Variants in PXDNL observed in about 807,000 individuals in gnomAD.
PXDNL encodes the protein probable oxidoreductase PXDNL.
In PXDNL, 145 loss-of-function variants were observed where a neutral mutation model predicts 150.8. The observed-to-expected ratio is 0.96, with a 90% CI of 0.84 to 1.10. The LOEUF (loss-of-function observed/expected upper bound fraction) is 1.10. PXDNL is among the 50% of genes least tolerant of loss of function. PXDNL has a pLI of 0.00. For synonymous variants in PXDNL, 757 were observed against 725.7 expected (o/e 1.04, Z -0.69); for missense variants, 2,087 against 1,873.9 (o/e 1.11, Z -2.10).
intron 2 of PXDNL, among the ~76,000 whole-genome samples, chr8:51,646,997 T>C (rs1360368908): frequency 1.3e-5 from 2 of 152,108 alleles, no homozygotes; most frequent in African/African-American, 4.8e-5. Flanking sequence ...AGCACATAGA[T>C]ATACTGTAAA....
intron 17 of PXDNL, among the ~76,000 whole-genome samples, chr8:51,381,352 G>A (rs1807532108): frequency 6.6e-6 from 1 of 151,746 alleles, no homozygotes; most frequent in Non-Finnish European, 1.5e-5. Context: ...GTCTTATCCT[G>A]TGTTTCCAAT....
At chr8:51,326,667 C>T (rs1805503694) in intron 21 of PXDNL, among the ~76,000 whole-genome samples, 1 of 152,114 alleles carries the variant, frequency 6.6e-6, no homozygotes, top group Non-Finnish European at 1.5e-5. Flanking sequence ...GTGTAGCCTT[C>T]TCAGCCTCAC....
intron 2 of PXDNL, among the ~76,000 whole-genome samples, chr8:51,606,037 T>G (rs554815293): frequency 2.2e-4 from 33 of 152,284 alleles, no homozygotes; most frequent in Middle Eastern, 3.4e-3. Flanking sequence ...ATATATTATC[T>G]TGTTATAGCA....
Position 51,367,880 on chromosome 8 carries a change from C to A in PXDNL, c.3901+3993G>T, listed in dbSNP as rs373222352. Among the ~76,000 whole-genome samples, 171 of 152,294 alleles carry A rather than the reference C, an allele frequency of 1.1e-3. 5 individuals are homozygous for A. In the South Asian group the frequency reaches 0.032, roughly 29 times the overall value. On this transcript the variant is annotated intron_variant, in intron 19 of 22. Transcript: ENST00000356297. ...CAGTGGCTCATGCCTGTAATCCCAG[C>A]ATTCTGGGAGGCCGAGACGGGTGGA...
At chr8:51,790,578 C>T (rs2037502433) in intron 1 of PXDNL, among the ~76,000 whole-genome samples, 2 of 152,214 alleles carry the variant, frequency 1.3e-5, no homozygotes, top group South Asian at 4.2e-4. Context: ...TTCTATGAGG[C>T]ACAGAGATTC....
Position 51,599,860 on chromosome 8 carries a change from A to G in PXDNL, c.237-7162T>C, listed in dbSNP as rs907433733. ...TAATAAATTATACCTTATATAAATG[A>G]CATCGTTTAGATAATAAATTATACC... On this transcript the variant is annotated intron_variant, in intron 2 of 22. Coordinates refer to ENST00000356297, the MANE Select transcript of PXDNL (RefSeq NM_144651.5). 1.2e-4 allele frequency among the ~76,000 whole-genome samples: 14 copies of G among 118,236 alleles called. 1 individual carries two copies. The highest frequency in any genetic ancestry group is 4.6e-4 in the African/African-American group (13 of 28,266). The allele number at this position is 118,236 out of a possible 152,430, so 77.6% of individuals were successfully genotyped here.
intron 4 of PXDNL, among the ~76,000 whole-genome samples, chr8:51,542,569 G>A (rs139422853): frequency 6.6e-6 from 1 of 151,768 alleles, no homozygotes; most frequent in African/African-American, 2.4e-5. Context: ...AGCAATTTTG[G>A]AGGCCGAAGC....
intron 1 of PXDNL, among the ~76,000 whole-genome samples, chr8:51,681,761 T>C (rs11990974): frequency 0.061 from 9,305 of 152,286 alleles, 863 homozygotes; most frequent in African/African-American, 0.21. Flanking sequence ...TTGAAGCATT[T>C]TTTTCCACAT....
At chr8:51,737,906 T>C (rs1267717941) in intron 1 of PXDNL, among the ~76,000 whole-genome samples, 2 of 152,144 alleles carry the variant, frequency 1.3e-5, no homozygotes, top group East Asian at 1.9e-4. Flanking sequence ...CCCCCAATGA[T>C]TGACATGGTA....
chr8:51,450,411 C>G (rs1809778014), intron 10 of PXDNL, among the ~76,000 whole-genome samples: 1 of 152,162 alleles, frequency 6.6e-6, no homozygotes, highest in African/African-American at 2.4e-5. Context: ...TTACCCAGCC[C>G]TCATTCAAGA....
intron 2 of PXDNL, among the ~76,000 whole-genome samples, chr8:51,603,275 T>C (rs906517857): frequency 2.4e-4 from 36 of 151,922 alleles, no homozygotes; most frequent in African/African-American, 8.4e-4. Context: ...TTTAGGAACA[T>C]CCGTCAAGCT....
At chr8:51,489,509 G>A (rs1810842568) in intron 5 of PXDNL, among the ~76,000 whole-genome samples, 2 of 152,100 alleles carry the variant, frequency 1.3e-5, no homozygotes, top group South Asian at 4.2e-4. Context: ...GTAGAGATTG[G>A]GTTTTGCTAT....
At chr8:51,746,317 AG>A (rs1447333784) in intron 1 of PXDNL, among the ~76,000 whole-genome samples, 3 of 152,226 alleles carry the variant, frequency 2.0e-5, no homozygotes, top group African/African-American at 7.2e-5. Context: ...GCCCTAGAAC[AG>A]TCCCACCCCT....
intron 1 of PXDNL, among the ~76,000 whole-genome samples, chr8:51,685,214 A>C (rs1238819304): frequency 6.6e-6 from 1 of 152,048 alleles, no homozygotes; most frequent in Non-Finnish European, 1.5e-5. Flanking sequence ...TGTAGAATGC[A>C]GGTGAGTTCT....
At chr8:51,753,373 T>C (rs947623449) in intron 1 of PXDNL, among the ~76,000 whole-genome samples, 6 of 152,186 alleles carry the variant, frequency 3.9e-5, no homozygotes, top group African/African-American at 1.4e-4. Flanking sequence ...AAGAGTGTCC[T>C]GAAGGAAAGA....
intron 12 of PXDNL, among the ~76,000 whole-genome samples, chr8:51,443,291 C>G (rs1057217013): frequency 1.3e-5 from 2 of 152,122 alleles, no homozygotes; most frequent in Non-Finnish European, 2.9e-5. Flanking sequence ...TGAAAAGACA[C>G]TGTCAAAAAC....
At chr8:51,604,658 A>T (rs544782047) in intron 2 of PXDNL, among the ~76,000 whole-genome samples, 9 of 152,370 alleles carry the variant, frequency 5.9e-5, no homozygotes, top group South Asian at 2.1e-4. Context: ...ATAATAATAA[A>T]AAAAATACTT....
intron 3 of PXDNL, among the ~76,000 whole-genome samples, chr8:51,578,246 A>G (rs1813133470): frequency 6.6e-6 from 1 of 151,906 alleles, no homozygotes; most frequent in Non-Finnish European, 1.5e-5. Context: ...CTACTCCCCA[A>G]AATAATCTTA....
Position 51,413,148 on chromosome 8 carries a change from A to G in PXDNL, c.1904+2T>C. On this transcript the variant is annotated splice_donor_variant, in intron 15 of 22. Coordinates refer to ENST00000356297, the MANE Select transcript of PXDNL (RefSeq NM_144651.5). LOFTEE classifies it high-confidence loss of function. ...TTCAATCTGTGTAAAATAAATTCTT[A>G]CTGTGAAAACAAATGTCTTCGTGTG... 6.6e-7 allele frequency: 1 copy of G among 1,525,406 alleles called. No homozygotes were observed. The highest frequency in any genetic ancestry group is 9.1e-7 in the Non-Finnish European group (1 of 1,099,924). The allele number at this position is 1,525,406 out of a possible 1,614,324, so 94.5% of individuals were successfully genotyped here.
Sources: allele counts gnomAD v4.1 joint callset (sites outside exome capture counted in the v4.1 genomes callset), GRCh38; gene constraint gnomAD v4.1.1; transcripts MANE v1.5; gene names NCBI Gene and HGNC (gene_info 2026-07-23, HGNC 2026-07-21).